Variants in CCDC47 observed in about 807,000 individuals in gnomAD.
The protein encoded by CCDC47 is coiled-coil domain containing 47, also known as PAT complex subunit CCDC47.
A neutral mutation model predicts 60.5 loss-of-function variants in CCDC47; 41 were observed. That is an observed-to-expected ratio of 0.68 (90% CI 0.53 to 0.88). The LOEUF (loss-of-function observed/expected upper bound fraction) is 0.88. Ranked by LOEUF, CCDC47 falls within the 40% of genes least tolerant of loss-of-function variation. The pLI is 0.00. For missense variants in CCDC47, 513 were observed against 580.9 expected, an observed-to-expected ratio of 0.88 and a Z score of 1.20; for synonymous variants, 195 against 190.7, an observed-to-expected ratio of 1.02 and a Z score of -0.18.
At position 63,752,720 on chromosome 17, in the gene CCDC47, G is replaced by A. The variant is rs769958079; in HGVS notation, c.1093+21C>T. ...CATCTCAGAGAAGACTAAGAACCCA[G>A]AAAGGACCCAGAATACTTACCATTA... On this transcript the variant is annotated intron_variant, in intron 10 of 12. Transcript: ENST00000225726. 4.4e-6 allele frequency: 7 copies of A among 1,604,476 alleles called. No individual in the cohort carries two copies. The East Asian group carries it at 1.1e-4, about 26-fold the overall frequency.
At chr17:63,749,747 C>T (rs1423079115) in intron 12 of CCDC47, among the ~76,000 whole-genome samples, 1 of 108,162 alleles carries the variant, frequency 9.2e-6, no homozygotes, top group Non-Finnish European at 2.0e-5. Flanking sequence ...GACTCTGTCT[C>T]AAAAAAAAAA....
chr17:63,770,712 G>A lies in CCDC47; in HGVS notation c.-20+2700C>T, dbSNP rs147649026. On this transcript the variant is annotated intron_variant, in intron 1 of 12. Transcript: ENST00000225726. ...AATTAAATGCTCTTAAAGGCTGGGC[G>A]CAGTGGCTCACACCTGTAATCCCAG... Among the ~76,000 whole-genome samples, 1,352 of 152,122 alleles carry A rather than the reference G, an allele frequency of 8.9e-3. 56 individuals are homozygous for A. Among genetic ancestry groups the A allele is most frequent in the Admixed American group, 0.073 (1,111 of 15,258 alleles).
chr17:63,769,269 T>C (rs1406028272), intron 1 of CCDC47, among the ~76,000 whole-genome samples: 1 of 138,966 alleles, frequency 7.2e-6, no homozygotes, highest in East Asian at 2.1e-4. Flanking sequence ...AAAAACAAAA[T>C]GTTACAAATG....
intron 2 of CCDC47, 123 bp from the exon 3 acceptor site, chr17:63,764,970 G>A: frequency 3.5e-6 from 5 of 1,444,102 alleles, no homozygotes; most frequent in South Asian, 1.5e-5. Flanking sequence ...GAAAACAGAT[G>A]TTACATGTTT....
At position 63,745,263 on chromosome 17, in the gene CCDC47, A is replaced by G. The variant is rs1256132749; in HGVS notation, c.*1618T>C. 6.6e-6 allele frequency: 1 copy of G among 152,616 alleles called. No homozygotes were observed. Among genetic ancestry groups the G allele is most frequent in the Non-Finnish European group, 1.5e-5 (1 of 68,044 alleles). The allele number at this position is 152,616 out of a possible 1,614,324, so 9.5% of individuals were successfully genotyped here. A position where few individuals can be genotyped will look rare whatever the true frequency, so the allele number is the denominator to read the frequency against. On this transcript the variant is annotated 3_prime_UTR_variant, in exon 13 of 13. Coordinates refer to ENST00000225726, the MANE Select transcript of CCDC47 (RefSeq NM_020198.3). Reference sequence around the variant, plus strand: ...AAGGCGGCACTCTGAGATTTTGTCAATCACTTTAATAGATGTCCATAGGTA... The same window carrying G: ...AAGGCGGCACTCTGAGATTTTGTCAGTCACTTTAATAGATGTCCATAGGTA...
chr17:63,766,700 C>T (rs2039300375), intron 1 of CCDC47: 1 of 370,856 alleles, frequency 2.7e-6, no homozygotes, highest in South Asian at 1.1e-4. Flanking sequence ...GCTGGGATTA[C>T]AGGTGTGAGC....
intron 8 of CCDC47, 67 bp from the exon 9 acceptor site, chr17:63,754,585 T>C (rs951174559): frequency 1.9e-6 from 2 of 1,043,498 alleles, no homozygotes; most frequent in African/African-American, 3.2e-5. Flanking sequence ...TTCCTAAAGA[T>C]ATTCACTCTT....
chr17:63,761,463 C>T (rs561825423), intron 4 of CCDC47, 112 bp from the exon 5 acceptor site: 12 of 1,093,952 alleles, frequency 1.1e-5, no homozygotes, highest in Middle Eastern at 2.3e-4. Context: ...GGGTGGATCA[C>T]GAGGTCAGGA....
chr17:63,759,529 A>ATATT (rs2039237138), intron 6 of CCDC47, among the ~76,000 whole-genome samples: 1 of 7,076 alleles, frequency 1.4e-4, no homozygotes, highest in Non-Finnish European at 3.4e-4. Flanking sequence ...ATATATATTT[A>ATATT]TATATATATA....
intron 1 of CCDC47, among the ~76,000 whole-genome samples, chr17:63,772,555 C>T (rs1317851234): frequency 1.3e-5 from 2 of 152,040 alleles, no homozygotes; most frequent in East Asian, 3.9e-4. Flanking sequence ...GCCCAGCCTC[C>T]TTTTCAAATC....
Position 63,760,943 on chromosome 17 carries a change from G to T in CCDC47, c.706C>A (p.Arg236=), listed in dbSNP as rs200959607. The change falls in exon 6 of 13, where the codon CGG becomes AGG. Residue 236 remains arginine, a synonymous_variant. Coordinates refer to ENST00000225726, the MANE Select transcript of CCDC47 (RefSeq NM_020198.3). ...KRQDLLNVLA[R]MMRPVSDQVQ... ...TGATCACTCACTGGCCTCATCATCC[G>T]GGCCAGGACATTCAGTAAGTCTTGT... is the stretch of plus-strand genomic sequence containing the variant. 3 of 1,613,456 alleles carry T rather than the reference G, an allele frequency of 1.9e-6. No homozygotes were observed. In the East Asian group the frequency reaches 6.7e-5, roughly 36 times the overall value.
intron 6 of CCDC47, among the ~76,000 whole-genome samples, chr17:63,757,376 T>TAAAA (rs200173061): frequency 1.5e-5 from 2 of 131,586 alleles, no homozygotes; most frequent in African/African-American, 5.8e-5. Context: ...CAAAAAAAAT[T>TAAAA]AAAAAAAAAA....
In CCDC47 at chr17:63,751,830, T is replaced by C. The variant is rs534042005; in HGVS notation, c.1371+110A>G. 91 of 1,190,136 alleles carry C rather than the reference T, an allele frequency of 7.6e-5. 1 individual carries two copies. In the Admixed American group the frequency reaches 1.2e-3, roughly 15 times the overall value. The allele number at this position is 1,190,136 out of a possible 1,614,324, so 73.7% of individuals were successfully genotyped here. ...ATCAATTGATACAATGTCCCAAATG[T>C]TGAGAAAATGCTAAACTTTTAGCCT... is the stretch of plus-strand genomic sequence containing the variant. On this transcript the variant is annotated intron_variant, in intron 12 of 12. Transcript: ENST00000225726.
chr17:63,754,104 TCAAA>T lies in CCDC47; in HGVS notation c.1034+325_1034+328del, dbSNP rs540922690. ...CTAGGCAACAGAGTGAGACAGCGTC[TCAAA>T]CAAACAAAAAACAAAACAAAACAAA... On this transcript the variant is annotated intron_variant, in intron 9 of 12. Coordinates refer to ENST00000225726, the MANE Select transcript of CCDC47 (RefSeq NM_020198.3). Among the ~76,000 whole-genome samples, 814 of 151,610 alleles carry T rather than the reference TCAAA, an allele frequency of 5.4e-3. 6 individuals are homozygous for T. Among genetic ancestry groups the T allele is most frequent in the African/African-American group, 0.018 (741 of 41,488 alleles).
At chr17:63,756,444 T>C in intron 7 of CCDC47, 25 bp downstream of exon 7, 1 of 1,599,250 alleles carries the variant, frequency 6.3e-7, no homozygotes. Context: ...TCTACGTATA[T>C]TTGAGTTGGA....
chr17:63,765,155 C>CACACAG (rs1555716769), intron 2 of CCDC47: 2 of 164,462 alleles, frequency 1.2e-5, no homozygotes, highest in Admixed American at 6.6e-5. Context: ...CACACACACA[C>CACACAG]GGAGGCAACT....
At chr17:63,747,173 A>C in intron 12 of CCDC47, 1 of 983,058 alleles carries the variant, frequency 1.0e-6, no homozygotes, top group South Asian at 4.7e-5. Flanking sequence ...TCAACTTCAA[A>C]TGAAGCAAAG....
intron 2 of CCDC47, 43 bp downstream of exon 2, chr17:63,765,869 C>T: frequency 6.4e-7 from 1 of 1,561,862 alleles, no homozygotes; most frequent in South Asian, 1.2e-5. Context: ...GGGAAAGGTG[C>T]TAGTTACAAA....
rs182986432 is a variant in CCDC47 at position 63,761,219 on chromosome 17, T to C, written c.669+11A>G. 6 of 1,613,964 alleles carry C rather than the reference T, an allele frequency of 3.7e-6. No homozygotes were observed. In the Admixed American group the frequency reaches 1.0e-4, roughly 27 times the overall value. ...GGAAGATATATATCGTACAAGAAGT[T>C]TCCTACTTACCCTCAGCTGGATAAG... On this transcript the variant is annotated intron_variant, in intron 5 of 12. Transcript: ENST00000225726.
Sources: allele counts gnomAD v4.1 joint callset (sites outside exome capture counted in the v4.1 genomes callset), GRCh38; gene constraint gnomAD v4.1.1; transcripts MANE v1.5; gene names NCBI Gene and HGNC (gene_info 2026-07-23, HGNC 2026-07-21).